GALNT13: variants seen among roughly 807,000 people sequenced by gnomAD.
The protein encoded by GALNT13 is UDP-GalNAc:polypeptide N-acetylgalactosaminyltransferase 13.
GALNT13 carries 28 observed loss-of-function variants against 64.2 expected under a neutral mutation model. That is an observed-to-expected ratio of 0.44 (90% confidence interval 0.32 to 0.60). GALNT13 has a LOEUF of 0.60. Ranked by LOEUF, GALNT13 falls within the 20% of genes least tolerant of loss-of-function variation. The pLI is 0.05. For missense variants in GALNT13, 577 were observed against 669.8 expected, an observed-to-expected ratio of 0.86 and a Z score of 1.53; for synonymous variants, 214 against 224.6, an observed-to-expected ratio of 0.95 and a Z score of 0.42.
chr2:153,526,736 T>C, the GALNT13 span, among the ~76,000 whole-genome samples: 1 of 152,194 alleles, frequency 6.6e-6, no homozygotes, highest in South Asian at 2.1e-4. Context: ...AACAGAGATA[T>C]GTGACCTTTC....
chr2:153,719,485 G>A, the GALNT13 span, among the ~76,000 whole-genome samples: 806 of 152,244 alleles, frequency 5.3e-3, 6 homozygotes, highest in African/African-American at 0.018. Context: ...GAACAGCTCC[G>A]GTCTACAGCT....
At chr2:154,120,711 G>T (rs1049084013) in intron 3 of GALNT13, among the ~76,000 whole-genome samples, 2 of 152,094 alleles carry the variant, frequency 1.3e-5, no homozygotes, top group African/African-American at 2.4e-5. Context: ...TCAATCCAAG[G>T]GCATGGACAC....
chr2:153,415,806 T>G, the GALNT13 span, among the ~76,000 whole-genome samples: 54 of 152,344 alleles, frequency 3.5e-4, no homozygotes, highest in Non-Finnish European at 6.9e-4. Flanking sequence ...AAACTTTCTC[T>G]ATTTTTCTTA....
At chr2:154,145,070 C>A (rs1345946) in intron 4 of GALNT13, among the ~76,000 whole-genome samples, 5,082 of 136,144 alleles carry the variant, frequency 0.037, 149 homozygotes, top group Middle Eastern at 0.056. Flanking sequence ...CTCTCTCTCT[C>A]TCTATCTATC....
At chr2:154,191,333 A>G (rs1686566836) in intron 4 of GALNT13, among the ~76,000 whole-genome samples, 1 of 152,206 alleles carries the variant, frequency 6.6e-6, no homozygotes, top group Non-Finnish European at 1.5e-5. Context: ...TAATGGATTA[A>G]GAAGTTTAGA....
chr2:153,325,444 A>AAG, the GALNT13 span, among the ~76,000 whole-genome samples: 1 of 151,882 alleles, frequency 6.6e-6, no homozygotes, highest in Non-Finnish European at 1.5e-5. Flanking sequence ...TTTCAAAAAA[A>AAG]CAGCTCCTGG....
intron 8 of GALNT13, among the ~76,000 whole-genome samples, chr2:154,293,312 G>C (rs1692745369): frequency 6.6e-6 from 1 of 152,126 alleles, no homozygotes; most frequent in African/African-American, 2.4e-5. Flanking sequence ...GAAGCTAATA[G>C]ACTATTATTT....
chr2:153,803,005 G>C, the GALNT13 span, among the ~76,000 whole-genome samples: 3 of 152,304 alleles, frequency 2.0e-5, no homozygotes, highest in South Asian at 6.2e-4. Context: ...TCACAACTCA[G>C]TGCCCTTAAC....
the GALNT13 span, among the ~76,000 whole-genome samples, chr2:153,125,427 A>G: frequency 2.9e-3 from 436 of 152,302 alleles, 2 homozygotes; most frequent in African/African-American, 0.01. Flanking sequence ...TATACAATCA[A>G]TGGGTCTGAT....
At chr2:153,476,099 A>C in the GALNT13 span, among the ~76,000 whole-genome samples, 2 of 152,238 alleles carry the variant, frequency 1.3e-5, no homozygotes, top group South Asian at 4.1e-4. Context: ...CAGGAACAAC[A>C]AGCAAAACTT....
At chr2:153,451,690 C>G in the GALNT13 span, among the ~76,000 whole-genome samples, 3 of 152,124 alleles carry the variant, frequency 2.0e-5, no homozygotes, top group African/African-American at 7.2e-5. Context: ...TAAAACGGAA[C>G]TTGGGAGGAA....
At chr2:153,869,928 T>C (rs375728560), upstream of GALNT13, among the ~76,000 whole-genome samples, 12 of 152,112 alleles carry the variant, frequency 7.9e-5, no homozygotes, top group African/African-American at 2.9e-4. Context: ...TTGTTGCTTT[T>C]TGGAGCCCTG....
At chr2:154,153,311 G>A (rs574132786) in intron 4 of GALNT13, among the ~76,000 whole-genome samples, 95 of 152,208 alleles carry the variant, frequency 6.2e-4, no homozygotes, top group African/African-American at 2.1e-3. Flanking sequence ...AGGAGTACCT[G>A]GCCATGTGAG....
At chr2:153,879,360 G>A (rs1265341822) in intron 1 of GALNT13, among the ~76,000 whole-genome samples, 3 of 18,004 alleles carry the variant, frequency 1.7e-4, no homozygotes, top group Non-Finnish European at 1.9e-4. Context: ...CTACCTACGT[G>A]TGTGTGTGTG....
At chr2:153,328,916 A>G in the GALNT13 span, among the ~76,000 whole-genome samples, 2 of 152,044 alleles carry the variant, frequency 1.3e-5, no homozygotes, top group African/African-American at 4.8e-5. Flanking sequence ...TTTGTGCTTG[A>G]AAACCAGGGC....
At chr2:153,650,174 A>T in the GALNT13 span, among the ~76,000 whole-genome samples, 1 of 152,242 alleles carries the variant, frequency 6.6e-6, no homozygotes, top group Non-Finnish European at 1.5e-5. Flanking sequence ...TATATTTAGG[A>T]TAGTTAGCTC....
intron 4 of GALNT13, among the ~76,000 whole-genome samples, chr2:154,142,549 C>CAAAAA (rs71396392): frequency 2.1e-3 from 139 of 65,166 alleles, no homozygotes; most frequent in African/African-American, 2.5e-3. Context: ...AACTCTGTCT[C>CAAAAA]AAAAAAAAAA....
At chr2:153,318,186 G>T in the GALNT13 span, among the ~76,000 whole-genome samples, 4 of 143,506 alleles carry the variant, frequency 2.8e-5, no homozygotes, top group Non-Finnish European at 6.0e-5. Context: ...CTCCCATTCT[G>T]CATATAAACA....
At chr2:153,155,026 C>T in the GALNT13 span, among the ~76,000 whole-genome samples, 7 of 152,150 alleles carry the variant, frequency 4.6e-5, no homozygotes, top group Non-Finnish European at 8.8e-5. Context: ...TGATGAATCA[C>T]ATTTATTGAT....
Sources: allele counts gnomAD v4.1 joint callset (sites outside exome capture counted in the v4.1 genomes callset), GRCh38; gene constraint gnomAD v4.1.1; transcripts MANE v1.5; gene names NCBI Gene and HGNC (gene_info 2026-07-23, HGNC 2026-07-21).